Variants in GALNT13 observed in about 807,000 individuals in gnomAD.
GALNT13 encodes the protein polypeptide N-acetylgalactosaminyltransferase 13.
A neutral mutation model predicts 64.2 loss-of-function variants in GALNT13; 28 were observed. The ratio of observed to expected loss-of-function variants is 0.44; its 90% CI spans 0.32 to 0.60. The LOEUF is 0.60. Ranked by LOEUF, GALNT13 falls within the 20% of genes least tolerant of loss-of-function variation. The pLI, the probability that GALNT13 is intolerant of heterozygous loss-of-function variation, is 0.05. For synonymous variants in GALNT13, 214 were observed against 224.6 expected (o/e 0.95, Z 0.42); for missense variants, 577 against 669.8 (o/e 0.86, Z 1.53).
the GALNT13 span, among the ~76,000 whole-genome samples, chr2:153,098,876 C>T: frequency 6.6e-6 from 1 of 152,172 alleles, no homozygotes; most frequent in Non-Finnish European, 1.5e-5. Context: ...TAGCAATTCA[C>T]ATTTTCACCA....
chr2:153,109,218 A>G, the GALNT13 span, among the ~76,000 whole-genome samples: 1 of 152,240 alleles, frequency 6.6e-6, no homozygotes, highest in African/African-American at 2.4e-5. Flanking sequence ...GAAACTCGAA[A>G]AGCAGACATC....
At chr2:153,463,233 C>A in the GALNT13 span, among the ~76,000 whole-genome samples, 2 of 152,000 alleles carry the variant, frequency 1.3e-5, no homozygotes, top group Non-Finnish European at 2.9e-5. Flanking sequence ...ATGATGATAT[C>A]TTAGTAATGT....
At chr2:153,251,055 AT>A in the GALNT13 span, among the ~76,000 whole-genome samples, 4,360 of 151,932 alleles carry the variant, frequency 0.029, 197 homozygotes, top group African/African-American at 0.093. Context: ...AAAATAAATA[AT>A]TTTTTTTATT....
chr2:154,101,635 T>C (rs148629925), intron 3 of GALNT13, among the ~76,000 whole-genome samples: 3 of 152,258 alleles, frequency 2.0e-5, no homozygotes, highest in African/African-American at 7.2e-5. Flanking sequence ...TATCATTTCT[T>C]TATTCTCAAT....
chr2:154,370,272 T>C (rs1697608638), intron 9 of GALNT13, among the ~76,000 whole-genome samples: 1 of 152,128 alleles, frequency 6.6e-6, no homozygotes, highest in African/African-American at 2.4e-5. Context: ...GGTTTGATTT[T>C]ATCCTAAGAG....
At chr2:153,711,388 G>T in the GALNT13 span, among the ~76,000 whole-genome samples, 1 of 152,070 alleles carries the variant, frequency 6.6e-6, no homozygotes, top group African/African-American at 2.4e-5. Flanking sequence ...TATAATAAAA[G>T]CTACTGTATA....
chr2:154,181,859 T>G (rs766037397), intron 4 of GALNT13, among the ~76,000 whole-genome samples: 7 of 152,058 alleles, frequency 4.6e-5, no homozygotes, highest in Non-Finnish European at 1.0e-4. Flanking sequence ...AATGTCAAAG[T>G]CTACTAATTA....
chr2:153,184,105 C>T, the GALNT13 span, among the ~76,000 whole-genome samples: 1 of 152,126 alleles, frequency 6.6e-6, no homozygotes, highest in Non-Finnish European at 1.5e-5. Flanking sequence ...TGTCCATGAG[C>T]GTAGAATACT....
chr2:153,541,230 C>T, the GALNT13 span, among the ~76,000 whole-genome samples: 9 of 152,096 alleles, frequency 5.9e-5, no homozygotes, highest in Non-Finnish European at 1.2e-4. Context: ...CTTTTCCCTC[C>T]TTTGCTCTGC....
the GALNT13 span, among the ~76,000 whole-genome samples, chr2:153,222,343 G>GGGGGGGGGGGGGGGGGT: frequency 9.6e-6 from 1 of 103,788 alleles, no homozygotes; most frequent in Non-Finnish European, 2.2e-5. Context: ...GGGGGGGGGG[G>GGGGGGGGGGGGGGGGGT]TTGGGCTTAT....
At chr2:154,236,130 C>A in intron 4 of GALNT13, 1 of 1,135,432 alleles carries the variant, frequency 8.8e-7, no homozygotes, top group East Asian at 6.5e-5. Flanking sequence ...TCTGACTTTC[C>A]CTGCTTTCGT....
At chr2:153,281,449 G>C in the GALNT13 span, among the ~76,000 whole-genome samples, 1 of 152,040 alleles carries the variant, frequency 6.6e-6, no homozygotes, top group East Asian at 1.9e-4. Flanking sequence ...TTGCTTTGTA[G>C]TTTCAAATGT....
intron 10 of GALNT13, among the ~76,000 whole-genome samples, chr2:154,407,383 G>A (rs1699595848): frequency 1.3e-5 from 2 of 152,034 alleles, no homozygotes; most frequent in African/African-American, 4.8e-5. Context: ...TCTGATGTAA[G>A]GGATTTAAAA....
the GALNT13 span, among the ~76,000 whole-genome samples, chr2:153,419,564 A>G: frequency 1.3e-5 from 2 of 152,226 alleles, no homozygotes; most frequent in African/African-American, 4.8e-5. Context: ...AAGGGTGTGA[A>G]CAATGAAAGG....
the GALNT13 span, among the ~76,000 whole-genome samples, chr2:153,732,912 A>G: frequency 6.6e-6 from 1 of 152,096 alleles, no homozygotes; most frequent in Admixed American, 6.6e-5. Flanking sequence ...TTTGTAATAA[A>G]AATAGAAAGA....
At chr2:153,790,078 T>G in the GALNT13 span, among the ~76,000 whole-genome samples, 1 of 152,290 alleles carries the variant, frequency 6.6e-6, no homozygotes, top group African/African-American at 2.4e-5. Flanking sequence ...TCCCAACTCA[T>G]TCTGTGAGGC....
At chr2:153,079,421 A>T in the GALNT13 span, among the ~76,000 whole-genome samples, 312 of 152,114 alleles carry the variant, frequency 2.1e-3, no homozygotes, top group African/African-American at 6.3e-3. Context: ...AAGTATTTTG[A>T]TTTTTTTTCT....
chr2:153,306,903 AT>A, the GALNT13 span, among the ~76,000 whole-genome samples: 15 of 152,124 alleles, frequency 9.9e-5, no homozygotes, highest in Admixed American at 2.0e-4. Context: ...TGCTCAGCTA[AT>A]TTTTTCCTTT....
the GALNT13 span, among the ~76,000 whole-genome samples, chr2:153,352,401 G>C: frequency 5.9e-5 from 9 of 151,930 alleles, no homozygotes; most frequent in African/African-American, 2.2e-4. Flanking sequence ...CTTCCAGTTT[G>C]CCTCTTTTTA....
Sources: gnomAD v4.1 joint callset for allele counts (sites outside exome capture counted in the v4.1 genomes callset) on GRCh38, gnomAD v4.1.1 for gene constraint, MANE v1.5 for transcripts, NCBI Gene and HGNC (gene_info 2026-07-23, HGNC 2026-07-21) for gene names.